CCDC80: variants seen among roughly 807,000 people sequenced by gnomAD.
The protein encoded by CCDC80 is coiled-coil domain-containing protein 80.
Under a neutral mutation model 78.7 loss-of-function variants are expected in CCDC80, and 49 were observed. The observed-to-expected ratio is 0.62, with a 90% CI of 0.50 to 0.79. The LOEUF is 0.79. CCDC80 is among the 30% of genes least tolerant of loss of function. CCDC80 has a pLI of 0.00. For synonymous variants in CCDC80, 488 were observed against 447.0 expected (o/e 1.09, Z -1.16); for missense variants, 1,205 against 1,198.6 (o/e 1.01, Z -0.08).
At chr3:112,640,290 A>C in intron 1 of CCDC80, 37 bp downstream of exon 1, 1 of 203,260 alleles carries the variant, frequency 4.9e-6, no homozygotes, top group Middle Eastern at 2.1e-3. Flanking sequence ...AAAGAAACAA[A>C]TAAACAGATC....
Position 112,639,643 on chromosome 3 carries a change from G to T in CCDC80, c.263C>A (p.Pro88Gln). The change falls in exon 2 of 8, where the codon CCA becomes CAA. Residue 88 changes from proline (P) to glutamine (Q), a missense_variant. Physicochemically the swap from Pro to Gln is moderately conservative, Grantham distance 76. Transcript: ENST00000206423. ...GTCCGAGCGGGCTGGCGGCTCTGTT[G>T]GGCGAGCTAGTCTCAACACGGGCAC... The part of the protein sequence containing the change: ...RSVPVLRLAR[P>Q]TEPPARSDIN... 6.2e-7 allele frequency: 1 copy of T among 1,614,118 alleles called. No homozygotes were observed. The highest frequency in any genetic ancestry group is 1.3e-5 in the African/African-American group (1 of 75,030).
At chr3:112,630,394 C>T in intron 2 of CCDC80, 125 bp from the exon 3 acceptor site, 1 of 934,908 alleles carries the variant, frequency 1.1e-6, no homozygotes, top group Non-Finnish European at 1.6e-6. Flanking sequence ...AAATGTTCTG[C>T]TGAACAGTTA....
At chr3:112,632,786 A>T (rs924222111) in intron 2 of CCDC80, among the ~76,000 whole-genome samples, 1 of 152,152 alleles carries the variant, frequency 6.6e-6, no homozygotes, top group Non-Finnish European at 1.5e-5. Context: ...TTTAACCACC[A>T]GTGGGGTGAC....
chr3:112,619,243 A>G, intron 3 of CCDC80, 139 bp from the exon 4 acceptor site: 1 of 683,150 alleles, frequency 1.5e-6, no homozygotes, highest in Non-Finnish European at 2.2e-6. Context: ...GTTTGAACAA[A>G]AGTTTTCGGA....
intron 3 of CCDC80, 89 bp from the exon 4 acceptor site, chr3:112,619,193 C>T: frequency 1.7e-6 from 2 of 1,207,704 alleles, no homozygotes; most frequent in Non-Finnish European, 2.2e-6. Flanking sequence ...GGCCTAATCA[C>T]ACCAGCCTTC....
chr3:112,616,254 C>T (rs1197443200), intron 5 of CCDC80, among the ~76,000 whole-genome samples: 1 of 151,950 alleles, frequency 6.6e-6, no homozygotes, highest in Non-Finnish European at 1.5e-5. Context: ...TTGTTTCCTG[C>T]AGAGTTGGAA....
At chr3:112,633,064 G>A (rs1936129803) in intron 2 of CCDC80, among the ~76,000 whole-genome samples, 1 of 152,170 alleles carries the variant, frequency 6.6e-6, no homozygotes, top group Non-Finnish European at 1.5e-5. Flanking sequence ...ATCTTCTGAA[G>A]CTCAGCATTG....
rs1422404870 is a variant in CCDC80 at position 112,599,455 on chromosome 3, A to G, written c.*5962T>C. On this transcript the variant is annotated 3_prime_UTR_variant, in exon 8 of 8. Coordinates refer to ENST00000206423, the MANE Select transcript of CCDC80 (RefSeq NM_199511.3). ...AGCACTCACCAAGCCACAACCTGCT[A>G]TCTGCACACCCCACACCATGAGGTA... The G allele has an allele frequency of 6.6e-6, 1 of 152,460 alleles. No individual in the cohort carries two copies. Among genetic ancestry groups the G allele is most frequent in the Admixed American group, 6.5e-5 (1 of 15,306 alleles). 9.4% of individuals were successfully genotyped at this position (152,460 alleles called of 1,614,324 possible).
chr3:112,639,093 C>A lies in CCDC80; in HGVS notation c.813G>T (p.Lys271Asn), dbSNP rs757727973. Residue 271 changes from lysine to asparagine, a missense_variant, in exon 2 of 8, where the codon AAG becomes AAT. By Grantham distance (94) the Lys-to-Asn change is moderately conservative. Coordinates refer to ENST00000206423, the MANE Select transcript of CCDC80 (RefSeq NM_199511.3). ...TCTGGACAAAGCCCTTCTGCCTGAT[C>A]TTCTCGATCCTACGGATGGGGCCTT... is the stretch of plus-strand genomic sequence containing the variant. ...IDQGPIRRIEKIRQKGFVQKC... is the reference protein window; with the variant it reads ...IDQGPIRRIENIRQKGFVQKC... 1.2e-6 allele frequency: 2 copies of A among 1,613,982 alleles called. No individual in the cohort carries two copies. Among genetic ancestry groups the A allele is most frequent in the East Asian group, 2.2e-5 (1 of 44,880 alleles).
chr3:112,615,731 C>T (rs1230646631), intron 5 of CCDC80, among the ~76,000 whole-genome samples: 1 of 152,138 alleles, frequency 6.6e-6, no homozygotes, highest in East Asian at 1.9e-4. Context: ...CAGCCAAAAT[C>T]CACCAAAATC....
chr3:112,638,904 C>T lies in CCDC80; in HGVS notation c.1002G>A (p.Leu334=). The change falls in exon 2 of 8, where the codon CTG becomes CTA. Residue 334 remains leucine (L), a synonymous_variant. Transcript: ENST00000206423. ...RESRVKVLRK[L]AATAPALPQP... ...GGGGCAAAGCTGGTGCAGTGGCGGC[C>T]AGTTTTCTCAGGACCTTCACCCGAC... is the stretch of plus-strand genomic sequence containing the variant. The T allele has an allele frequency of 1.2e-6, 2 of 1,613,320 alleles. No homozygotes were observed. Among genetic ancestry groups the T allele is most frequent in the Non-Finnish European group, 1.7e-6 (2 of 1,179,984 alleles).
intron 2 of CCDC80, among the ~76,000 whole-genome samples, chr3:112,631,479 C>A (rs558366721): frequency 6.6e-6 from 1 of 152,296 alleles, no homozygotes; most frequent in Admixed American, 6.5e-5. Flanking sequence ...CTCTATAAAT[C>A]ATTTTTCTGT....
At position 112,610,076 on chromosome 3, in the gene CCDC80, C is replaced by A. The variant is rs200219122; in HGVS notation, c.2327G>T (p.Arg776Leu). Residue 776 changes from arginine to leucine, a missense_variant, in exon 6 of 8, where the codon CGG (arginine) becomes CTG (leucine). By Grantham distance (102) the Arg-to-Leu change is moderately radical. Transcript: ENST00000206423. ...QSLENFLSRFRWRRRLLVISA... is the reference protein window; with the variant it reads ...QSLENFLSRFLWRRRLLVISA... ...GATCACCAGCAACCTCCTCCTCCACCGGAACCTGGAAAAAAAAAGCAGGAC... is the reference window on the plus strand; with the variant it reads ...GATCACCAGCAACCTCCTCCTCCACAGGAACCTGGAAAAAAAAAGCAGGAC... 1.2e-6 allele frequency: 2 copies of A among 1,612,684 alleles called. No individual in the cohort carries two copies. Among genetic ancestry groups the A allele is most frequent in the South Asian group, 1.1e-5 (1 of 91,022 alleles).
chr3:112,623,534 G>C (rs1374238515), intron 3 of CCDC80, among the ~76,000 whole-genome samples: 6 of 152,108 alleles, frequency 3.9e-5, no homozygotes, highest in Non-Finnish European at 7.4e-5. Context: ...CAGTCACCAG[G>C]AGTGCTTGTT....
At chr3:112,629,995 C>A (rs919708792) in intron 3 of CCDC80, 118 bp downstream of exon 3, 34 of 912,786 alleles carry the variant, frequency 3.7e-5, no homozygotes, top group Admixed American at 2.2e-4. Context: ...TTATCACAAC[C>A]AAAGAGCCCT....
At position 112,598,540 on chromosome 3, in the gene CCDC80, C is replaced by G. The variant is rs1238786958; in HGVS notation, c.*6877G>C. Reference sequence around the variant, plus strand: ...CTTAGCTATTTAAAATCACCCACTTCTTCATCCGGCTCCCTTGGCATATGT... The same window carrying G: ...CTTAGCTATTTAAAATCACCCACTTGTTCATCCGGCTCCCTTGGCATATGT... On this transcript the variant is annotated 3_prime_UTR_variant, in exon 8 of 8. Coordinates refer to ENST00000206423, the MANE Select transcript of CCDC80 (RefSeq NM_199511.3). 6.6e-6 allele frequency: 1 copy of G among 152,360 alleles called. No homozygotes were observed. The highest frequency in any genetic ancestry group is 6.5e-5 in the Admixed American group (1 of 15,296). 9.4% of individuals were successfully genotyped at this position (152,360 alleles called of 1,614,324 possible). A position where few individuals can be genotyped will look rare whatever the true frequency, so the allele number is the denominator to read the frequency against.
At position 112,599,037 on chromosome 3, in the gene CCDC80, C is replaced by T. The variant is rs1461896083; in HGVS notation, c.*6380G>A. The T allele has an allele frequency of 6.6e-6, 1 of 152,160 alleles. No homozygotes were observed. Among genetic ancestry groups the T allele is most frequent in the Non-Finnish European group, 1.5e-5 (1 of 68,028 alleles). 9.4% of individuals were successfully genotyped at this position (152,160 alleles called of 1,614,324 possible). On this transcript the variant is annotated 3_prime_UTR_variant, in exon 8 of 8. Coordinates refer to ENST00000206423, the MANE Select transcript of CCDC80 (RefSeq NM_199511.3). ...CCACAGGAAGCCTCTAAATTTAGCA[C>T]TCTACTCACAGAGGGCCAAGAAAAA...
At chr3:112,631,636 T>G (rs1459311164) in intron 2 of CCDC80, among the ~76,000 whole-genome samples, 1 of 152,190 alleles carries the variant, frequency 6.6e-6, no homozygotes, top group Non-Finnish European at 1.5e-5. Context: ...CTTGGCATTT[T>G]TCAGAGGGCA....
chr3:112,639,321 C>G lies in CCDC80; in HGVS notation c.585G>C (p.Glu195Asp), dbSNP rs370290734. The G allele has an allele frequency of 1.5e-4, 244 of 1,614,178 alleles. No individual in the cohort carries two copies. Among genetic ancestry groups the G allele is most frequent in the Non-Finnish European group, 1.9e-4 (223 of 1,180,030 alleles). The stretch of plus-strand genomic sequence containing the variant: ...TGATCCTTCTCACCTTGCCTCCTTC[C>G]TCACCTGCCTGGTGGAAGAGCACAA... Reference protein sequence around the residue: ...QQIVLFHQAGEEGGKVRRITS... With the variant: ...QQIVLFHQAGDEGGKVRRITS... The change falls in exon 2 of 8, where the codon GAG becomes GAC. Residue 195 changes from glutamate (E) to aspartate (D), a missense_variant. Glu to Asp is a conservative substitution (Grantham distance 45). Transcript: ENST00000206423.
Sources: allele counts gnomAD v4.1 joint callset (sites outside exome capture counted in the v4.1 genomes callset), GRCh38; gene constraint gnomAD v4.1.1; transcripts MANE v1.5; gene names NCBI Gene and HGNC (gene_info 2026-07-23, HGNC 2026-07-21).